Variants in CELF1 observed in about 807,000 individuals in gnomAD.
CELF1 encodes the protein 50 kDa nuclear polyadenylated RNA-binding protein.
Under a neutral mutation model 61.8 loss-of-function variants are expected in CELF1, and 10 were observed. The observed-to-expected ratio is 0.16, with a 90% confidence interval of 0.10 to 0.27. CELF1 has a LOEUF of 0.27. Among genes scored for constraint, CELF1 ranks in the 10% least tolerant of loss-of-function variants. The pLI is 1.00. For missense variants in CELF1, 380 were observed against 639.1 expected (o/e 0.59, Z 4.37); for synonymous variants, 236 against 225.1 (o/e 1.05, Z -0.43).
chr11:47,488,851 G>C lies in CELF1; in HGVS notation c.245C>G (p.Pro82Arg). ...AAAGCCCTAACCTTTGCTCTGAGGC[G>C]GGTTTTGGCTCCTATCCCTTAGGAC... ...INVLRDRSQN[P>R]PQSKGCCFVT... The change falls in exon 4 of 15, where the codon CCG becomes CGG. Residue 82 changes from proline (P) to arginine (R), a missense_variant. Coordinates refer to ENST00000687097, the MANE Select transcript of CELF1 (RefSeq NM_001376376.1). 6.4e-7 allele frequency: 1 copy of C among 1,555,786 alleles called. No homozygotes were observed. The highest frequency in any genetic ancestry group is 8.7e-7 in the Non-Finnish European group (1 of 1,153,440).
At chr11:47,482,139 T>G (rs1270247037) in intron 9 of CELF1, among the ~76,000 whole-genome samples, 1 of 152,098 alleles carries the variant, frequency 6.6e-6, no homozygotes, top group African/African-American at 2.4e-5. Flanking sequence ...AGGTGGAGGT[T>G]GCAGTAAGCC....
intron 1 of CELF1, among the ~76,000 whole-genome samples, chr11:47,551,334 T>C (rs941006863): frequency 3.9e-5 from 6 of 152,158 alleles, no homozygotes; most frequent in African/African-American, 1.4e-4. Context: ...AGGGGAACCA[T>C]AACCTTCCTG....
intron 3 of CELF1, 58 bp from the exon 4 acceptor site, chr11:47,489,082 T>C (rs924846441): frequency 2.2e-6 from 3 of 1,365,222 alleles, no homozygotes; most frequent in Non-Finnish European, 2.9e-6. Flanking sequence ...CAGAGGAAAT[T>C]TTCTTTTCTT....
intron 1 of CELF1, among the ~76,000 whole-genome samples, chr11:47,512,449 A>G (rs1376874716): frequency 3.5e-5 from 4 of 115,586 alleles, no homozygotes; most frequent in African/African-American, 1.2e-4. Context: ...CACCGTGCCC[A>G]GAATTTTTTT....
intron 1 of CELF1, among the ~76,000 whole-genome samples, chr11:47,501,180 G>C (rs1463298797): frequency 6.6e-6 from 1 of 152,118 alleles, no homozygotes; most frequent in African/African-American, 2.4e-5. Flanking sequence ...CCAGAGACTC[G>C]CTCATCTGAT....
rs953789312 is a variant in CELF1, at chr11:47,466,377, T to C, written c.*5853A>G. On this transcript the variant is annotated 3_prime_UTR_variant, in exon 15 of 15. Coordinates refer to ENST00000687097, the MANE Select transcript of CELF1 (RefSeq NM_001376376.1). Reference sequence around the variant, plus strand: ...CACGACTGAGTTGATTGAATCCCGTTGTTGCTGCAGAACAGACTGTGCGTT... The same window carrying C: ...CACGACTGAGTTGATTGAATCCCGTCGTTGCTGCAGAACAGACTGTGCGTT... The C allele has an allele frequency of 6.6e-6, 1 of 152,236 alleles. No homozygotes were observed. Among genetic ancestry groups the C allele is most frequent in the Non-Finnish European group, 1.5e-5 (1 of 68,034 alleles). 9.4% of individuals were successfully genotyped at this position (152,236 alleles called of 1,614,324 possible).
chr11:47,509,498 G>T (rs892789467), intron 1 of CELF1, among the ~76,000 whole-genome samples: 1 of 152,082 alleles, frequency 6.6e-6, no homozygotes, highest in Non-Finnish European at 1.5e-5. Flanking sequence ...AGGCTGTAGT[G>T]AGCTATGCTG....
At chr11:47,502,901 A>T (rs1317804328) in intron 1 of CELF1, among the ~76,000 whole-genome samples, 1 of 151,998 alleles carries the variant, frequency 6.6e-6, no homozygotes, top group Non-Finnish European at 1.5e-5. Flanking sequence ...AGGTGACAGG[A>T]GGGGTTATAA....
At position 47,500,646 on chromosome 11, in the gene CELF1, G is replaced by A. The variant is rs936538681; in HGVS notation, c.-82+215C>T. 7.2e-5 allele frequency among the ~76,000 whole-genome samples: 11 copies of A among 152,140 alleles called. No homozygotes were observed. In the East Asian group the frequency reaches 1.5e-3, roughly 21 times the overall value. ...GTTGATAAAACCAAGACTAGTGAGTGCACACATAAAAATTCTATTATGGGT... is the reference window on the plus strand; with the variant it reads ...GTTGATAAAACCAAGACTAGTGAGTACACACATAAAAATTCTATTATGGGT... On this transcript the variant is annotated intron_variant, in intron 2 of 14. Coordinates refer to ENST00000687097, the MANE Select transcript of CELF1 (RefSeq NM_001376376.1).
At chr11:47,501,992 A>G (rs2093967582) in intron 1 of CELF1, among the ~76,000 whole-genome samples, 1 of 152,218 alleles carries the variant, frequency 6.6e-6, no homozygotes, top group African/African-American at 2.4e-5. Flanking sequence ...TGGAGACATT[A>G]CTGAGTTGCC....
intron 1 of CELF1, among the ~76,000 whole-genome samples, chr11:47,522,443 C>G (rs1471182381): frequency 6.6e-6 from 1 of 151,470 alleles, no homozygotes. Flanking sequence ...TCAGGAGAAC[C>G]CGGGAGGCAG....
rs572494131 is a variant in CELF1, at chr11:47,499,473, G to A, written c.51C>T (p.Cys17=). 60 of 1,535,756 alleles carry A rather than the reference G, an allele frequency of 3.9e-5. No homozygotes were observed. Among genetic ancestry groups the A allele is most frequent in the Non-Finnish European group, 1.3e-5 (15 of 1,146,734 alleles). Residue 17 remains cysteine, a synonymous_variant, in exon 3 of 15, where the codon TGC becomes TGT. Transcript: ENST00000687097. Reference sequence around the variant, plus strand: ...CTTACACGGGACTGGAATTCAAAGAGCAATGATCCACCATCATTTCTGGAA... The same window carrying A: ...CTTACACGGGACTGGAATTCAAAGAACAATGATCCACCATCATTTCTGGAA... ...DFLPEMMVDH[C]SLNSSPVSKK...
At chr11:47,532,747 C>T (rs1377033881) in intron 1 of CELF1, among the ~76,000 whole-genome samples, 1 of 152,150 alleles carries the variant, frequency 6.6e-6, no homozygotes, top group Non-Finnish European at 1.5e-5. Context: ...GCATTTTCAG[C>T]CTATAGCTTA....
At chr11:47,551,294 G>C (rs1005587204) in intron 1 of CELF1, among the ~76,000 whole-genome samples, 1 of 152,124 alleles carries the variant, frequency 6.6e-6, no homozygotes, top group Non-Finnish European at 1.5e-5. Flanking sequence ...ATGGAAACAG[G>C]TGGTGGACTG....
chr11:47,537,182 T>C (rs1416172433), intron 1 of CELF1, among the ~76,000 whole-genome samples: 1 of 152,078 alleles, frequency 6.6e-6, no homozygotes, highest in Non-Finnish European at 1.5e-5. Flanking sequence ...GCCTTCTGAC[T>C]GTTCAGGCAA....
rs71042680 is a variant in CELF1, at chr11:47,541,686, C to CTCAAAAAA, written c.-154+11305_-154+11306insTTTTTTGA. Among the ~76,000 whole-genome samples the CTCAAAAAA allele has an allele frequency of 9.1e-3, 106 of 11,682 alleles. 48 individuals are homozygous for CTCAAAAAA. The East Asian group carries it at 0.13, about 14-fold the overall frequency. The allele number at this position is 11,682 out of a possible 152,430, so 7.7% of individuals were successfully genotyped here. A position where few individuals can be genotyped will look rare whatever the true frequency, so the allele number is the denominator to read the frequency against. On this transcript the variant is annotated intron_variant, in intron 1 of 14. Transcript: ENST00000687097. The stretch of plus-strand genomic sequence containing the variant: ...GAGCCTGGTGACAGGGCGAGACTGT[C>CTCAAAAAA]AAAGAAAGAAAGAAAGAAAGAAAGA...
At chr11:47,551,195 A>G (rs1246527561) in intron 1 of CELF1, among the ~76,000 whole-genome samples, 2 of 152,124 alleles carry the variant, frequency 1.3e-5, no homozygotes, top group Non-Finnish European at 2.9e-5. Context: ...CACAATCTCT[A>G]AAGAAAACCC....
At chr11:47,502,443 A>G (rs2094017555) in intron 1 of CELF1, among the ~76,000 whole-genome samples, 1 of 152,202 alleles carries the variant, frequency 6.6e-6, no homozygotes, top group African/African-American at 2.4e-5. Flanking sequence ...ACAAAAATGC[A>G]AATATTAAGG....
intron 1 of CELF1, among the ~76,000 whole-genome samples, chr11:47,509,804 G>C (rs1030927224): frequency 6.6e-6 from 1 of 151,306 alleles, no homozygotes; most frequent in Non-Finnish European, 1.5e-5. Flanking sequence ...AGGTGGGCGG[G>C]TCACTTGAGG....
Sources: gnomAD v4.1 joint callset for allele counts (sites outside exome capture counted in the v4.1 genomes callset) on GRCh38, gnomAD v4.1.1 for gene constraint, MANE v1.5 for transcripts, NCBI Gene and HGNC (gene_info 2026-07-23, HGNC 2026-07-21) for gene names.